DHX34: variants seen among roughly 807,000 people sequenced by gnomAD.
DHX34 encodes the protein probable ATP-dependent RNA helicase DHX34.
DHX34 carries 96 observed loss-of-function variants against 111.1 expected under a neutral mutation model. The ratio of observed to expected loss-of-function variants is 0.86; its 90% CI spans 0.73 to 1.02. The LOEUF is 1.02. Among genes scored for constraint, DHX34 ranks in the 50% least tolerant of loss-of-function variants. The probability of loss-of-function intolerance (pLI) is 0.00; values close to 1 mark genes in which losing one functional copy is unlikely to be tolerated. For missense variants in DHX34, 1,560 were observed against 1,579.9 expected (o/e 0.99, Z 0.21); for synonymous variants, 688 against 670.4 (o/e 1.03, Z -0.41).
intron 7 of DHX34, among the ~76,000 whole-genome samples, chr19:47,370,383 T>C (rs570657472): frequency 1.3e-5 from 2 of 152,312 alleles, no homozygotes; most frequent in African/African-American, 2.4e-5. Flanking sequence ...CACCCCTCTC[T>C]TGCGGGCTCA....
chr19:47,362,238 C>T (rs1969650225), intron 5 of DHX34: 7 of 644,870 alleles, frequency 1.1e-5, no homozygotes, highest in Non-Finnish European at 9.4e-6. Context: ...CCACTGCACT[C>T]CAGCCTGGGA....
rs1969345571 is a variant in DHX34, at chr19:47,353,297, C to G, written c.267C>G (p.Ser89Arg). ...AAGACCCTGGACAGCCCAAGCACAG[C>G]ATCCCAGCGCTGGCCGACCTACCTC... ...EEKDPGQPKH[S>R]IPALADLPRT... Residue 89 changes from serine (S) to arginine (R), a missense_variant, in exon 2 of 17, where the codon AGC becomes AGG. By Grantham distance (110) the Ser-to-Arg change is moderately radical (BLOSUM62 -1). Coordinates refer to ENST00000328771, the MANE Select transcript of DHX34 (RefSeq NM_014681.6). This position sits in a 1 kb window ranked among gnomAD's most constrained non-coding sequence, Gnocchi z 4.6. The G allele has an allele frequency of 6.2e-7, 1 of 1,614,178 alleles. No homozygotes were observed. Among genetic ancestry groups the G allele is most frequent in the African/African-American group, 1.3e-5 (1 of 75,052 alleles).
At chr19:47,368,457 C>T (rs1389309470) in intron 7 of DHX34, among the ~76,000 whole-genome samples, 15 of 150,802 alleles carry the variant, frequency 9.9e-5, no homozygotes, top group East Asian at 3.9e-4. Context: ...CAGGCATGCG[C>T]CACCATGCCC....
Position 47,375,540 on chromosome 19 carries a change from G to T in DHX34, c.2139G>T (p.Gln713His). 1 of 1,557,260 alleles carries T rather than the reference G, an allele frequency of 6.4e-7. No homozygotes were observed. The highest frequency in any genetic ancestry group is 8.6e-7 in the Non-Finnish European group (1 of 1,156,762). ...TAGGGGACAGCTACAGTCGGTTGCA[G>T]CAGCGCCGGGAGCGCCGGGCCCTGC... ...AQVGDSYSRLQQRRERRALHQ... is the reference protein window; with the variant it reads ...AQVGDSYSRLHQRRERRALHQ... Residue 713 changes from glutamine to histidine, a missense_variant, in exon 10 of 17, where the codon CAG becomes CAT. Transcript: ENST00000328771.
intron 3 of DHX34, among the ~76,000 whole-genome samples, chr19:47,357,072 C>T (rs576356349): frequency 6.6e-6 from 1 of 152,260 alleles, no homozygotes; most frequent in East Asian, 1.9e-4. Flanking sequence ...AAGCAATCCT[C>T]CCGCCTTGGC....
chr19:47,367,704 A>G (rs1038366766), intron 7 of DHX34, among the ~76,000 whole-genome samples: 11 of 152,126 alleles, frequency 7.2e-5, no homozygotes, highest in Non-Finnish European at 1.2e-4. Context: ...CCTGGCCAAC[A>G]TGGTGAAACC....
chr19:47,379,913 G>GGAGGAT lies in DHX34; in HGVS notation c.2911_2916dup (p.Glu971_Asp972dup). ...CCCAGCAGCAGCTGGAGGAGGAGGA[G>GGAGGAT]GAGGATACGCCAGTCAGCCCCAAGG... is the stretch of plus-strand genomic sequence containing the variant. On this transcript the variant is annotated inframe_insertion, in exon 14 of 17. Transcript: ENST00000328771. The GGAGGAT allele has an allele frequency of 6.2e-7, 1 of 1,610,812 alleles. No individual in the cohort carries two copies. Among genetic ancestry groups the GGAGGAT allele is most frequent in the South Asian group, 1.1e-5 (1 of 90,960 alleles).
chr19:47,364,359 G>T (rs982503153), intron 6 of DHX34, among the ~76,000 whole-genome samples: 1 of 152,130 alleles, frequency 6.6e-6, no homozygotes, highest in East Asian at 1.9e-4. Flanking sequence ...ACAGGCTCAC[G>T]TGCGGGTGTA....
intron 6 of DHX34, among the ~76,000 whole-genome samples, chr19:47,364,007 A>C (rs1969713311): frequency 1.3e-5 from 2 of 152,150 alleles, no homozygotes; most frequent in Non-Finnish European, 2.9e-5. Context: ...TGACAAATAC[A>C]CATGGTCACG....
At position 47,362,553 on chromosome 19, in the gene DHX34, G is replaced by T. The variant is rs753999314; in HGVS notation, c.1453G>T (p.Ala485Ser). Reference sequence around the variant, plus strand: ...GGAGTTCTGGATTAGTCAGGCCAGCGCAGAGCAGCGGAAGGGCCGGGCGGG... The same window carrying T: ...GGAGTTCTGGATTAGTCAGGCCAGCTCAGAGCAGCGGAAGGGCCGGGCGGG... ...LQEFWISQASAEQRKGRAGRT... is the reference protein window; with the variant it reads ...LQEFWISQASSEQRKGRAGRT... Residue 485 changes from alanine (A) to serine (S), a missense_variant, in exon 6 of 17, where the codon GCA becomes TCA. Transcript: ENST00000328771. The T allele has an allele frequency of 1.2e-6, 2 of 1,612,996 alleles. No individual in the cohort carries two copies. Among genetic ancestry groups the T allele is most frequent in the Non-Finnish European group, 1.7e-6 (2 of 1,179,642 alleles).
chr19:47,376,982 G>A, intron 12 of DHX34, 118 bp from the exon 13 acceptor site: 1 of 1,560,470 alleles, frequency 6.4e-7, no homozygotes, highest in Non-Finnish European at 8.6e-7. Context: ...GGCCACCAAA[G>A]CCATGCCGTA....
intron 13 of DHX34, among the ~76,000 whole-genome samples, chr19:47,378,322 G>T (rs914806842): frequency 1.6e-4 from 25 of 152,314 alleles, no homozygotes; most frequent in African/African-American, 6.0e-4. Flanking sequence ...GGGGCCGGGG[G>T]TGCAGCTGTG....
intron 2 of DHX34, 198 bp from the exon 3 acceptor site, chr19:47,354,841 A>G: frequency 3.9e-6 from 2 of 507,334 alleles, no homozygotes; most frequent in Non-Finnish European, 5.1e-6. Context: ...TTTAGTAGAG[A>G]TGGGGTTTCT....
intron 7 of DHX34, among the ~76,000 whole-genome samples, chr19:47,369,640 G>A (rs544292772): frequency 1.1e-4 from 17 of 152,330 alleles, no homozygotes; most frequent in African/African-American, 3.8e-4. Flanking sequence ...GGGCACGGTG[G>A]GCACAGTGGG....
At chr19:47,356,656 A>G (rs1599754798) in intron 3 of DHX34, among the ~76,000 whole-genome samples, 1 of 150,060 alleles carries the variant, frequency 6.7e-6, no homozygotes, top group East Asian at 2.0e-4. Flanking sequence ...GAAAAGAAAG[A>G]GAGAGAGAGA....
intron 9 of DHX34, among the ~76,000 whole-genome samples, chr19:47,374,372 G>T (rs548170039): frequency 2.2e-4 from 34 of 151,192 alleles, no homozygotes; most frequent in African/African-American, 8.0e-4. Flanking sequence ...AGGAGGTGGA[G>T]GTTGTGGTGA....
chr19:47,375,358 C>T (rs1474133596), intron 9 of DHX34, 108 bp from the exon 10 acceptor site: 17 of 1,431,054 alleles, frequency 1.2e-5, no homozygotes, highest in Non-Finnish European at 1.5e-5. Flanking sequence ...CTGTTTTCAG[C>T]CCCCTTTGGG....
intron 7 of DHX34, among the ~76,000 whole-genome samples, chr19:47,369,577 A>G (rs1969904389): frequency 6.6e-6 from 1 of 152,226 alleles, no homozygotes; most frequent in Non-Finnish European, 1.5e-5. Flanking sequence ...AGGGGCAGAT[A>G]AATGAGTGAA....
In DHX34 at chr19:47,353,262, AAGG is replaced by A. The variant is rs1313966956; in HGVS notation, c.238_240del (p.Glu80del). The A allele has an allele frequency of 6.2e-7, 1 of 1,614,134 alleles. No individual in the cohort carries two copies. The highest frequency in any genetic ancestry group is 1.7e-5 in the Admixed American group (1 of 59,996). ...ATTCCAGAATCTCAAGACCTCCAGGAAGGAGGAGAAAGACCCTGGACAGCCCAA... is the reference window on the plus strand; with the variant it reads ...ATTCCAGAATCTCAAGACCTCCAGGAAGGAGAAAGACCCTGGACAGCCCAA... On this transcript the variant is annotated inframe_deletion, in exon 2 of 17. Transcript: ENST00000328771. This position sits in a 1 kb window ranked among gnomAD's most constrained non-coding sequence, Gnocchi z 4.6.
Sources: allele counts gnomAD v4.1 joint callset (sites outside exome capture counted in the v4.1 genomes callset), GRCh38; gene constraint gnomAD v4.1.1; non-coding constraint Gnocchi (gnomAD v3.1); transcripts MANE v1.5; gene names NCBI Gene and HGNC (gene_info 2026-07-23, HGNC 2026-07-21).